TTC39C: variants seen among roughly 807,000 people sequenced by gnomAD.
TTC39C encodes the protein tetratricopeptide repeat domain 39C, also known as tetratricopeptide repeat protein 39C.
Under a neutral mutation model 76.3 loss-of-function variants are expected in TTC39C, and 33 were observed. The observed-to-expected ratio is 0.43, with a 90% confidence interval of 0.33 to 0.58. TTC39C has a LOEUF of 0.58. TTC39C is among the 20% of genes least tolerant of loss of function. TTC39C has a pLI of 0.04. For missense variants in TTC39C, 595 were observed against 701.4 expected (o/e 0.85, Z 1.71); for synonymous variants, 254 against 260.6 (o/e 0.97, Z 0.24).
chr18:24,095,333 C>T (rs1171533712), intron 6 of TTC39C, among the ~76,000 whole-genome samples: 3 of 152,218 alleles, frequency 2.0e-5, no homozygotes, highest in Non-Finnish European at 4.4e-5. Context: ...AAACTTTATT[C>T]GTATCAGCAG....
intron 2 of TTC39C, 142 bp downstream of exon 2, chr18:24,064,330 C>A: frequency 1.2e-6 from 1 of 819,882 alleles, no homozygotes; most frequent in Non-Finnish European, 1.8e-6. Context: ...TTGCCTATTA[C>A]CCAATGCCTA....
chr18:24,086,425 C>T (rs565415295), intron 6 of TTC39C, among the ~76,000 whole-genome samples: 1 of 152,282 alleles, frequency 6.6e-6, no homozygotes, highest in East Asian at 1.9e-4. Context: ...TAACTTTTTA[C>T]GTACTTTGCC....
In TTC39C at chr18:24,014,931, A is replaced by C; in HGVS notation, c.60A>C (p.Ala20=). The change falls in exon 1 of 14, where the codon GCA becomes GCC. Residue 20 remains alanine, a synonymous_variant. Transcript: ENST00000317571. ...RRRDDGDSDA[A]AAAAAPLQDA... ...GGGACGACGGAGACTCGGACGCGGC[A>C]GCGGCGGCGGCGGCGCCCCTGCAGG... 1 of 1,523,538 alleles carries C rather than the reference A, an allele frequency of 6.6e-7. No individual in the cohort carries two copies. Among genetic ancestry groups the C allele is most frequent in the Non-Finnish European group, 8.8e-7 (1 of 1,135,544 alleles). 94.4% of individuals were successfully genotyped at this position (1,523,538 alleles called of 1,614,324 possible). A position where few individuals can be genotyped will look rare whatever the true frequency, so the allele number is the denominator to read the frequency against.
intron 6 of TTC39C, chr18:24,114,134 G>A: frequency 3.8e-6 from 1 of 261,204 alleles, no homozygotes. Flanking sequence ...TTCCACACCT[G>A]TGTGGTAACA....
intron 12 of TTC39C, among the ~76,000 whole-genome samples, chr18:24,131,470 T>C (rs1362224194): frequency 1.3e-5 from 2 of 152,092 alleles, no homozygotes; most frequent in Non-Finnish European, 2.9e-5. Flanking sequence ...CCCAGCACTT[T>C]GGGAGGCCAA....
chr18:24,070,069 CTCTTT>C lies in TTC39C; in HGVS notation c.460+804_460+808del, dbSNP rs2084218565. On this transcript the variant is annotated intron_variant, in intron 4 of 13. Coordinates refer to ENST00000317571, the MANE Select transcript of TTC39C (RefSeq NM_001135993.2). ...TAAATTTCTTTTAAATTATAACATACTCTTTTCTTTCTAGCCTATCAGAAGCCGGT... is the reference window on the plus strand; with the variant it reads ...TAAATTTCTTTTAAATTATAACATACTCTTTCTAGCCTATCAGAAGCCGGT... 2.6e-5 allele frequency among the ~76,000 whole-genome samples: 4 copies of C among 152,320 alleles called. No individual in the cohort carries two copies. In the South Asian group the frequency reaches 8.3e-4, roughly 32 times the overall value.
intron 7 of TTC39C, among the ~76,000 whole-genome samples, chr18:24,116,823 T>TG (rs1381375346): frequency 7.0e-6 from 1 of 143,832 alleles, no homozygotes; most frequent in Non-Finnish European, 1.5e-5. Flanking sequence ...ACCTTAGTTT[T>TG]TTTTTTTTTT....
chr18:24,093,248 G>A (rs2145778691), intron 6 of TTC39C, among the ~76,000 whole-genome samples: 1 of 152,268 alleles, frequency 6.6e-6, no homozygotes, highest in Admixed American at 6.5e-5. Context: ...GGGAGGCCGA[G>A]GCGGGCAGAT....
chr18:24,071,570 T>G (rs981239483), intron 4 of TTC39C, among the ~76,000 whole-genome samples: 1 of 152,174 alleles, frequency 6.6e-6, no homozygotes, highest in Non-Finnish European at 1.5e-5. Context: ...TTGTATCTTG[T>G]TTTTTCTTTT....
rs967288990 is a variant in TTC39C, at chr18:24,135,551, C to G, written c.*2977C>G. The stretch of plus-strand genomic sequence containing the variant: ...GCTTGGTAACTTGGTTTGGTGTAAA[C>G]TGCTCTTAACCCTTTGCTGATGAAG... On this transcript the variant is annotated 3_prime_UTR_variant, in exon 14 of 14. Coordinates refer to ENST00000317571, the MANE Select transcript of TTC39C (RefSeq NM_001135993.2). 1 of 153,220 alleles carries G rather than the reference C, an allele frequency of 6.5e-6. No individual in the cohort carries two copies. The highest frequency in any genetic ancestry group is 2.1e-4 in the South Asian group (1 of 4,832). The allele number at this position is 153,220 out of a possible 1,614,324, so 9.5% of individuals were successfully genotyped here. A position where few individuals can be genotyped will look rare whatever the true frequency, so the allele number is the denominator to read the frequency against.
At chr18:24,123,301 C>T (rs2145822575) in intron 8 of TTC39C, among the ~76,000 whole-genome samples, 1 of 152,276 alleles carries the variant, frequency 6.6e-6, no homozygotes, top group South Asian at 2.1e-4. Flanking sequence ...TTCCCCAGGT[C>T]CCCCAAAAGC....
intron 1 of TTC39C, among the ~76,000 whole-genome samples, chr18:24,030,758 C>G (rs1306131410): frequency 2.0e-5 from 3 of 148,810 alleles, no homozygotes; most frequent in Non-Finnish European, 4.4e-5. Flanking sequence ...TCAAGCGATT[C>G]TCCAGCCTCA....
intron 1 of TTC39C, among the ~76,000 whole-genome samples, chr18:24,004,379 G>A (rs1048086937): frequency 1.3e-5 from 2 of 152,196 alleles, no homozygotes; most frequent in African/African-American, 4.8e-5. Flanking sequence ...GTAGGGTGAA[G>A]AGAGTGAGGA....
intron 6 of TTC39C, among the ~76,000 whole-genome samples, chr18:24,102,112 TA>T (rs2084683978): frequency 6.6e-6 from 1 of 152,216 alleles, no homozygotes; most frequent in South Asian, 2.1e-4. Context: ...GGTAAAGCAC[TA>T]AGCACAGGGT....
rs369693479 is a variant in TTC39C at position 24,045,962 on chromosome 18, G to A, written c.168-18178G>A. Among the ~76,000 whole-genome samples, 34 of 63,562 alleles carry A rather than the reference G, an allele frequency of 5.3e-4. No individual in the cohort carries two copies. The East Asian group carries it at 9.1e-3, about 17-fold the overall frequency. The allele number at this position is 63,562 out of a possible 152,430, so 41.7% of individuals were successfully genotyped here. A position where few individuals can be genotyped will look rare whatever the true frequency, so the allele number is the denominator to read the frequency against. On this transcript the variant is annotated intron_variant, in intron 1 of 13. Transcript: ENST00000317571. ...TTTTTTTTTTTTTTTTTTTTGAGAC[G>A]GAGACTTGCTCTGTCACCCAGGCTG...
At chr18:24,121,731 C>T (rs1344607881) in intron 8 of TTC39C, among the ~76,000 whole-genome samples, 1 of 152,122 alleles carries the variant, frequency 6.6e-6, no homozygotes, top group Non-Finnish European at 1.5e-5. Flanking sequence ...TAAGAATGTT[C>T]TCAATGATCT....
chr18:24,127,300 G>C (rs2085063687), intron 10 of TTC39C, among the ~76,000 whole-genome samples: 2 of 152,188 alleles, frequency 1.3e-5, no homozygotes, highest in African/African-American at 4.8e-5. Context: ...CCAGAAAACA[G>C]CAGTAGTGGC....
chr18:24,047,712 T>C (rs2083902899), intron 1 of TTC39C, among the ~76,000 whole-genome samples: 1 of 152,224 alleles, frequency 6.6e-6, no homozygotes, highest in Non-Finnish European at 1.5e-5. Context: ...CCTTTACTTA[T>C]ATATAGCTTA....
chr18:24,077,998 A>C (rs2084327334), intron 4 of TTC39C, among the ~76,000 whole-genome samples: 1 of 152,220 alleles, frequency 6.6e-6, no homozygotes, highest in Admixed American at 6.5e-5. Flanking sequence ...TCTCTGTCTT[A>C]TTTCACTTCG....
Sources: allele counts gnomAD v4.1 joint callset (sites outside exome capture counted in the v4.1 genomes callset), GRCh38; gene constraint gnomAD v4.1.1; transcripts MANE v1.5; gene names NCBI Gene and HGNC (gene_info 2026-07-23, HGNC 2026-07-21).